Variants in CDC42BPA observed in about 807,000 individuals in gnomAD.
CDC42BPA encodes the protein serine/threonine-protein kinase MRCK alpha.
A neutral mutation model predicts 223.5 loss-of-function variants in CDC42BPA; 80 were observed. The ratio of observed to expected loss-of-function variants is 0.36; its 90% confidence interval spans 0.30 to 0.43. The LOEUF (loss-of-function observed/expected upper bound fraction) is 0.43, where lower values mean the gene tolerates loss of function less well. Among genes scored for constraint, CDC42BPA ranks in the 20% least tolerant of loss-of-function variants. The pLI is 1.00. For synonymous variants in CDC42BPA, 694 were observed against 718.6 expected (o/e 0.97, Z 0.55); for missense variants, 1,743 against 2,099.9 (o/e 0.83, Z 3.32).
chr1:227,170,109 T>C (rs1665831705), intron 5 of CDC42BPA, among the ~76,000 whole-genome samples: 1 of 152,160 alleles, frequency 6.6e-6, no homozygotes, highest in Admixed American at 6.5e-5. Context: ...CTTGTGACTG[T>C]CTCAATCAAT....
intron 1 of CDC42BPA, among the ~76,000 whole-genome samples, chr1:227,301,112 T>TAA (rs1691548667): frequency 6.6e-6 from 1 of 152,214 alleles, no homozygotes; most frequent in African/African-American, 2.4e-5. Context: ...GAATTTAACC[T>TAA]ACATAGGTTT....
intron 21 of CDC42BPA, among the ~76,000 whole-genome samples, chr1:227,053,565 C>T (rs1043539796): frequency 6.6e-6 from 1 of 152,114 alleles, no homozygotes; most frequent in African/African-American, 2.4e-5. Context: ...AACTAGTATG[C>T]CTTGTGAAGT....
intron 17 of CDC42BPA, among the ~76,000 whole-genome samples, chr1:227,077,171 T>A (rs1304788616): frequency 2.0e-5 from 3 of 152,260 alleles, no homozygotes; most frequent in Non-Finnish European, 1.5e-5. Context: ...TTAAGTCATA[T>A]AGACCTGGTT....
intron 1 of CDC42BPA, among the ~76,000 whole-genome samples, chr1:227,308,726 T>C (rs921731605): frequency 1.3e-5 from 2 of 152,196 alleles, no homozygotes. Flanking sequence ...CCCCTTGCTC[T>C]TTTCCAGTAT....
At chr1:227,288,841 A>C (rs998982063) in intron 1 of CDC42BPA, among the ~76,000 whole-genome samples, 2 of 151,546 alleles carry the variant, frequency 1.3e-5, no homozygotes, top group African/African-American at 4.9e-5. Context: ...CTAAAAATAC[A>C]AAATTGGCCA....
chr1:227,036,421 C>CTTTTTT (rs56254464), intron 24 of CDC42BPA, among the ~76,000 whole-genome samples: 8 of 71,158 alleles, frequency 1.1e-4, no homozygotes, highest in Non-Finnish European at 1.5e-4. Context: ...CTTCAATTCA[C>CTTTTTT]TTTTTTTTTT....
chr1:227,086,646 A>C (rs745418959), intron 16 of CDC42BPA, among the ~76,000 whole-genome samples: 7 of 151,530 alleles, frequency 4.6e-5, no homozygotes, highest in Non-Finnish European at 8.8e-5. Flanking sequence ...GTTACCCATT[A>C]AAACACTGAG....
At chr1:227,254,635 T>C (rs1199971098) in intron 1 of CDC42BPA, among the ~76,000 whole-genome samples, 4 of 152,228 alleles carry the variant, frequency 2.6e-5, no homozygotes. Context: ...ATGGTGGCAA[T>C]GACTGGAGTT....
chr1:227,055,898 A>G (rs1161078743), intron 21 of CDC42BPA, among the ~76,000 whole-genome samples: 1 of 151,854 alleles, frequency 6.6e-6, no homozygotes, highest in Non-Finnish European at 1.5e-5. Context: ...GCTCTGTTAA[A>G]AAAAAAAAGA....
At chr1:227,116,023 T>C (rs781238741) in intron 12 of CDC42BPA, among the ~76,000 whole-genome samples, 1 of 152,202 alleles carries the variant, frequency 6.6e-6, no homozygotes, top group Non-Finnish European at 1.5e-5. Context: ...CCACTTTCTA[T>C]TTCTATGACC....
At position 227,139,591 on chromosome 1, in the gene CDC42BPA, T is replaced by A. The variant is rs776399718; in HGVS notation, c.1375A>T (p.Ser459Cys). 1 of 1,590,762 alleles carries A rather than the reference T, an allele frequency of 6.3e-7. No individual in the cohort carries two copies. The highest frequency in any genetic ancestry group is 1.2e-5 in the South Asian group (1 of 86,226). The change falls in exon 10 of 37, where the codon AGT (serine) becomes TGT (cysteine). Residue 459 changes from serine to cysteine, a missense_variant. Transcript: ENST00000366766. The stretch of plus-strand genomic sequence containing the variant: ...ATATATTTACCTTGAAGTTTTCTAC[T>A]GAGTTCAAGTTTTTCTTGCTCAAGG... Reference protein sequence around the residue: ...KRLEQEKLELSRKLQESTQTV... With the variant: ...KRLEQEKLELCRKLQESTQTV...
intron 2 of CDC42BPA, among the ~76,000 whole-genome samples, chr1:227,237,564 T>C (rs979401190): frequency 1.3e-5 from 2 of 152,242 alleles, no homozygotes; most frequent in African/African-American, 2.4e-5. Flanking sequence ...TTCTATTCTA[T>C]CACTATACCA....
intron 2 of CDC42BPA, among the ~76,000 whole-genome samples, chr1:227,238,729 C>G (rs111688331): frequency 3.3e-5 from 5 of 152,014 alleles, no homozygotes; most frequent in Admixed American, 3.3e-4. Context: ...ACTATGACAA[C>G]GAGTACTACC....
Position 227,004,857 on chromosome 1 carries a change from A to C in CDC42BPA, c.4975+137T>G, listed in dbSNP as rs1663658666. 3.9e-6 allele frequency: 3 copies of C among 778,700 alleles called. No individual in the cohort carries two copies. The East Asian group carries it at 7.3e-5, about 19-fold the overall frequency. The allele number at this position is 778,700 out of a possible 1,614,324, so 48.2% of individuals were successfully genotyped here. ...TTGTGCCTATTAGGCATTACCCAGC[A>C]GGGTCTGAGACACTGCAGCCACTTG... On this transcript the variant is annotated intron_variant, in intron 35 of 36. Coordinates refer to ENST00000366766, the MANE Select transcript of CDC42BPA (RefSeq NM_001394014.1).
intron 14 of CDC42BPA, among the ~76,000 whole-genome samples, chr1:227,103,633 A>C (rs1296081954): frequency 6.6e-6 from 1 of 152,096 alleles, no homozygotes; most frequent in African/African-American, 2.4e-5. Flanking sequence ...AACATACTAT[A>C]ACTCTTTACT....
At chr1:227,301,820 A>G (rs920982625) in intron 1 of CDC42BPA, among the ~76,000 whole-genome samples, 8 of 152,088 alleles carry the variant, frequency 5.3e-5, no homozygotes, top group Non-Finnish European at 1.0e-4. Context: ...CCCTTTCCAT[A>G]CCATCCTCCC....
chr1:227,309,865 G>C (rs960909665), intron 1 of CDC42BPA, among the ~76,000 whole-genome samples: 1 of 152,004 alleles, frequency 6.6e-6, no homozygotes. Context: ...TACTTTTTAG[G>C]GTGCTTTTCT....
chr1:227,116,280 C>T (rs895275468), intron 12 of CDC42BPA, among the ~76,000 whole-genome samples: 4 of 152,138 alleles, frequency 2.6e-5, no homozygotes, highest in African/African-American at 9.7e-5. Flanking sequence ...AAACGTAGTT[C>T]ACCACACCAA....
intron 28 of CDC42BPA, 62 bp from the exon 29 acceptor site, chr1:227,030,532 C>A (rs1448672307): frequency 4.1e-6 from 4 of 975,986 alleles, no homozygotes; most frequent in East Asian, 2.6e-5. Context: ...TGCTAATAAA[C>A]CAGATGATAA....
Sources: allele counts gnomAD v4.1 joint callset (sites outside exome capture counted in the v4.1 genomes callset), GRCh38; gene constraint gnomAD v4.1.1; transcripts MANE v1.5; gene names NCBI Gene and HGNC (gene_info 2026-07-23, HGNC 2026-07-21).